Variants in MBOAT1 observed in about 807,000 individuals in gnomAD.
The protein encoded by MBOAT1 is membrane bound glycerophospholipid O-acyltransferase 1, also known as membrane-bound glycerophospholipid O-acyltransferase 1.
Under a neutral mutation model 64.4 loss-of-function variants are expected in MBOAT1, and 67 were observed. The observed-to-expected ratio is 1.04, with a 90% confidence interval of 0.85 to 1.27. The LOEUF (loss-of-function observed/expected upper bound fraction) is 1.27, where lower values mean the gene tolerates loss of function less well. Ranked by LOEUF, MBOAT1 falls within the 50% of genes most tolerant of loss-of-function variation. MBOAT1 has a pLI of 0.00. For missense variants in MBOAT1, 563 were observed against 604.6 expected, an observed-to-expected ratio of 0.93 and a Z score of 0.72; for synonymous variants, 229 against 218.9, an observed-to-expected ratio of 1.05 and a Z score of -0.41.
chr6:20,170,892 C>CTGAATGAATGAA (rs36129397), intron 1 of MBOAT1, among the ~76,000 whole-genome samples: 29 of 150,480 alleles, frequency 1.9e-4, no homozygotes, highest in Non-Finnish European at 2.7e-4. Context: ...TCTCAATATT[C>CTGAATGAATGAA]TGAATGAATG....
At chr6:20,150,518 G>C (rs925134064) in intron 3 of MBOAT1, among the ~76,000 whole-genome samples, 1 of 150,504 alleles carries the variant, frequency 6.6e-6, no homozygotes, top group Non-Finnish European at 1.5e-5. Context: ...ATTTATCCAC[G>C]ACATTGAGTA....
At chr6:20,127,831 C>T (rs1392890303) in intron 6 of MBOAT1, among the ~76,000 whole-genome samples, 1 of 152,108 alleles carries the variant, frequency 6.6e-6, no homozygotes, top group Non-Finnish European at 1.5e-5. Flanking sequence ...CCCCCCACCA[C>T]CACCCGCAAC....
In MBOAT1 at chr6:20,135,598, G is replaced by A. The variant is rs148001736; in HGVS notation, c.420-4399C>T. Among the ~76,000 whole-genome samples, 33 of 152,228 alleles carry A rather than the reference G, an allele frequency of 2.2e-4. No individual in the cohort carries two copies. In the East Asian group the frequency reaches 5.8e-3, roughly 27 times the overall value. On this transcript the variant is annotated intron_variant, in intron 4 of 12. Coordinates refer to ENST00000324607, the MANE Select transcript of MBOAT1 (RefSeq NM_001080480.3). ...CTGATGTCCCAGTAAAGGTAGGATG[G>A]GACAATGAGATAACCCAGACATCGG...
intron 1 of MBOAT1, among the ~76,000 whole-genome samples, chr6:20,187,242 A>G (rs1290721810): frequency 6.6e-6 from 1 of 152,236 alleles, no homozygotes; most frequent in Non-Finnish European, 1.5e-5. Context: ...TCTTGGAAAG[A>G]GCAGGGACTT....
At chr6:20,152,539 T>G in intron 2 of MBOAT1, 85 bp downstream of exon 2, 1 of 1,359,720 alleles carries the variant, frequency 7.4e-7, no homozygotes, top group Non-Finnish European at 1.0e-6. Flanking sequence ...TAATGCCATC[T>G]ATTTCTGGCT....
chr6:20,115,393 T>G, intron 9 of MBOAT1, 41 bp from the exon 10 acceptor site: 1 of 1,517,726 alleles, frequency 6.6e-7, no homozygotes. Flanking sequence ...GCTTTAAAAA[T>G]ACCCGAAGTA....
chr6:20,205,987 G>T (rs540123817), intron 1 of MBOAT1, among the ~76,000 whole-genome samples: 1 of 151,834 alleles, frequency 6.6e-6, no homozygotes, highest in Non-Finnish European at 1.5e-5. Flanking sequence ...TTGCATCCAC[G>T]TGCTGCCCCT....
chr6:20,163,802 A>C (rs542251799), intron 1 of MBOAT1, among the ~76,000 whole-genome samples: 2 of 152,010 alleles, frequency 1.3e-5, no homozygotes, highest in Admixed American at 1.3e-4. Context: ...GAGGTGGGAG[A>C]AAATTGGGGT....
intron 11 of MBOAT1, among the ~76,000 whole-genome samples, chr6:20,112,095 C>T (rs542361903): frequency 1.3e-4 from 20 of 150,872 alleles, no homozygotes; most frequent in Non-Finnish European, 1.8e-4. Flanking sequence ...GCTCAACCAA[C>T]GTCAATAAAA....
intron 3 of MBOAT1, 152 bp from the exon 4 acceptor site, chr6:20,144,467 T>C: frequency 1.7e-6 from 1 of 586,838 alleles, no homozygotes. Context: ...TTCCACCCAC[T>C]ACTCTAGCTG....
rs1283273668 is a variant in MBOAT1, at chr6:20,115,681, C to A, written c.1012-329G>T. Among the ~76,000 whole-genome samples, 4 of 152,018 alleles carry A rather than the reference C, an allele frequency of 2.6e-5. No homozygotes were observed. The East Asian group carries it at 5.8e-4, about 22-fold the overall frequency. ...CATCTGAATTTTATAATTAAATATT[C>A]TAAAAAGGGATTTGCCCCAGGAAAA... On this transcript the variant is annotated intron_variant, in intron 9 of 12. Coordinates refer to ENST00000324607, the MANE Select transcript of MBOAT1 (RefSeq NM_001080480.3).
intron 3 of MBOAT1, among the ~76,000 whole-genome samples, chr6:20,148,333 C>T (rs959825874): frequency 3.3e-5 from 5 of 152,146 alleles, no homozygotes; most frequent in African/African-American, 1.2e-4. Context: ...AGGAGAATCA[C>T]TTGAACTGGG....
In MBOAT1 at chr6:20,106,244, C is replaced by G. The variant is rs542589674; in HGVS notation, c.1361+3354G>C. Among the ~76,000 whole-genome samples the G allele has an allele frequency of 7.9e-5, 12 of 152,300 alleles. No individual in the cohort carries two copies. The South Asian group carries it at 2.5e-3, about 32-fold the overall frequency. ...ATGAAAACACTGTTTGAGGTGTAAT[C>G]AATCTGGAATAGCCACTGGCAATAT... is the stretch of plus-strand genomic sequence containing the variant. On this transcript the variant is annotated intron_variant, in intron 12 of 12. Coordinates refer to ENST00000324607, the MANE Select transcript of MBOAT1 (RefSeq NM_001080480.3).
Position 20,100,109 on chromosome 6 carries a change from C to T in MBOAT1, c.*2177G>A, listed in dbSNP as rs1759748815. Among the ~76,000 whole-genome samples the T allele has an allele frequency of 6.6e-6, 1 of 152,202 alleles. No homozygotes were observed. The highest frequency in any genetic ancestry group is 1.5e-5 in the Non-Finnish European group (1 of 68,048). On this transcript the variant is annotated 3_prime_UTR_variant, in exon 13 of 13. Coordinates refer to ENST00000324607, the MANE Select transcript of MBOAT1 (RefSeq NM_001080480.3). ...CCAGGACTGAGGGCTTGAGAGAGTC[C>T]TTGGCAAACCAGGGCAGCTGGTCAC...
chr6:20,204,049 C>T (rs1419237174), intron 1 of MBOAT1, among the ~76,000 whole-genome samples: 1 of 152,202 alleles, frequency 6.6e-6, no homozygotes, highest in Non-Finnish European at 1.5e-5. Flanking sequence ...ACAATTCCAT[C>T]TTTAAATTCA....
chr6:20,211,062 C>T (rs958166173), intron 1 of MBOAT1, among the ~76,000 whole-genome samples: 1 of 152,120 alleles, frequency 6.6e-6, no homozygotes, highest in Non-Finnish European at 1.5e-5. Context: ...CTGATGAGAA[C>T]GCAATGGTCA....
chr6:20,129,742 C>T (rs1420680567), intron 5 of MBOAT1, among the ~76,000 whole-genome samples: 2 of 152,138 alleles, frequency 1.3e-5, no homozygotes, highest in Non-Finnish European at 2.9e-5. Context: ...CGCTGGCAAT[C>T]CTAGAAATTA....
At chr6:20,205,723 A>G (rs1300829702) in intron 1 of MBOAT1, among the ~76,000 whole-genome samples, 1 of 151,906 alleles carries the variant, frequency 6.6e-6, no homozygotes, top group Non-Finnish European at 1.5e-5. Context: ...CCCCCAACAC[A>G]TCTACATTCA....
intron 10 of MBOAT1, 83 bp from the exon 11 acceptor site, chr6:20,113,091 T>C (rs1415732899): frequency 1.3e-5 from 20 of 1,502,162 alleles, no homozygotes; most frequent in Non-Finnish European, 1.8e-5. Flanking sequence ...GATAAGACCA[T>C]GCAGAAAGCA....
Sources: allele counts gnomAD v4.1 joint callset (sites outside exome capture counted in the v4.1 genomes callset), GRCh38; gene constraint gnomAD v4.1.1; transcripts MANE v1.5; gene names NCBI Gene and HGNC (gene_info 2026-07-23, HGNC 2026-07-21).